DSE: variants seen among roughly 807,000 people sequenced by gnomAD.
The protein encoded by DSE is dermatan-sulfate epimerase.
A neutral mutation model predicts 84.4 loss-of-function variants in DSE; 36 were observed. The ratio of observed to expected loss-of-function variants is 0.43; its 90% CI spans 0.33 to 0.56. The LOEUF is 0.56. DSE is among the 20% of genes least tolerant of loss of function. DSE has a pLI of 0.06. For missense variants in DSE, 862 were observed against 1,169.6 expected, an observed-to-expected ratio of 0.74 and a Z score of 3.84; for synonymous variants, 410 against 430.1, an observed-to-expected ratio of 0.95 and a Z score of 0.58.
At chr6:116,340,734 T>A (rs6568935) in intron 2 of DSE, among the ~76,000 whole-genome samples, 7,017 of 151,878 alleles carry the variant, frequency 0.046, 276 homozygotes, top group African/African-American at 0.1. Context: ...TGAGAACATG[T>A]GGTGTTTGGT....
intron 2 of DSE, among the ~76,000 whole-genome samples, chr6:116,319,100 A>T (rs1776153484): frequency 6.6e-6 from 1 of 152,200 alleles, no homozygotes; most frequent in African/African-American, 2.4e-5. Flanking sequence ...TTTTCTAAGC[A>T]CTTTGACATA....
At chr6:116,429,595 T>C (rs1384331411) in intron 3 of DSE, among the ~76,000 whole-genome samples, 1 of 152,232 alleles carries the variant, frequency 6.6e-6, no homozygotes, top group Non-Finnish European at 1.5e-5. Flanking sequence ...CATAATTGGG[T>C]TGTTAAAAGG....
intron 2 of DSE, chr6:116,278,283 C>T: frequency 1.8e-6 from 1 of 545,074 alleles, no homozygotes. Flanking sequence ...TGAAGGATGA[C>T]CTCGTAGCAT....
At chr6:116,425,315 G>A (rs1168935432) in intron 2 of DSE, among the ~76,000 whole-genome samples, 1 of 152,146 alleles carries the variant, frequency 6.6e-6, no homozygotes, top group African/African-American at 2.4e-5. Flanking sequence ...GCCAAAAGAG[G>A]TTCATGGCAT....
intron 2 of DSE, among the ~76,000 whole-genome samples, chr6:116,319,777 G>T (rs969084351): frequency 4.0e-5 from 6 of 151,840 alleles, no homozygotes; most frequent in Admixed American, 6.6e-5. Flanking sequence ...TTCCCTTTTC[G>T]CTTTCTTCAC....
intron 4 of DSE, among the ~76,000 whole-genome samples, chr6:116,432,227 G>T (rs1783885405): frequency 6.6e-6 from 1 of 152,196 alleles, no homozygotes; most frequent in Non-Finnish European, 1.5e-5. Context: ...TTTAAGCTGA[G>T]ATCTAAAGGC....
chr6:116,279,404 C>A (rs1405953567), intron 2 of DSE: 1 of 1,613,282 alleles, frequency 6.2e-7, no homozygotes. Flanking sequence ...GCCGTCAGCT[C>A]AGACGCGGAT....
intron 2 of DSE, among the ~76,000 whole-genome samples, chr6:116,424,189 G>A (rs144795959): frequency 6.6e-6 from 1 of 152,130 alleles, no homozygotes; most frequent in East Asian, 1.9e-4. Flanking sequence ...TCCCTGCCTG[G>A]CCCACCAGTC....
At chr6:116,278,139 G>A (rs539893688) in intron 2 of DSE, 12 of 309,324 alleles carry the variant, frequency 3.9e-5, no homozygotes, top group Non-Finnish European at 6.4e-6. Context: ...AGCTGAGTAG[G>A]TGGAACAGGC....
intron 2 of DSE, among the ~76,000 whole-genome samples, chr6:116,313,819 A>G (rs1426529280): frequency 6.6e-6 from 1 of 152,214 alleles, no homozygotes; most frequent in Non-Finnish European, 1.5e-5. Context: ...AAGTTCATGA[A>G]CATGCCTATC....
intron 2 of DSE, among the ~76,000 whole-genome samples, chr6:116,272,152 T>G (rs1772906847): frequency 6.6e-6 from 1 of 152,262 alleles, no homozygotes; most frequent in African/African-American, 2.4e-5. Context: ...TCCTCTTTAT[T>G]GTTGAGTGGT....
chr6:116,292,164 G>A lies in DSE; in HGVS notation c.-54+33197G>A, dbSNP rs933715958. 5.3e-5 allele frequency among the ~76,000 whole-genome samples: 8 copies of A among 152,270 alleles called. 1 individual carries two copies. Among genetic ancestry groups the A allele is most frequent in the Admixed American group, 3.9e-4 (6 of 15,288 alleles). On this transcript the variant is annotated intron_variant, in intron 2 of 3. Coordinates refer to the DSE transcript ENST00000430252. Reference sequence around the variant, plus strand: ...GACGAGAACACCAGGAAGACAAGTAGAGGAAGAAGAAAGGAAGGCCAAAAA... The same window carrying A: ...GACGAGAACACCAGGAAGACAAGTAAAGGAAGAAGAAAGGAAGGCCAAAAA...
chr6:116,373,666 C>G (rs9488915), intron 1 of DSE, among the ~76,000 whole-genome samples: 6,365 of 152,274 alleles, frequency 0.042, 227 homozygotes, highest in African/African-American at 0.094. Flanking sequence ...CAGTGCTGCC[C>G]TGAGAGGACC....
At chr6:116,333,942 G>A (rs549081051) in intron 2 of DSE, among the ~76,000 whole-genome samples, 27 of 152,094 alleles carry the variant, frequency 1.8e-4, no homozygotes, top group East Asian at 1.4e-3. Context: ...ACTCCACTCC[G>A]GCCTGGGTGA....
At chr6:116,331,361 A>C (rs551401284) in intron 2 of DSE, among the ~76,000 whole-genome samples, 155 of 152,310 alleles carry the variant, frequency 1.0e-3, no homozygotes, top group African/African-American at 3.6e-3. Flanking sequence ...GAAAGCAAAC[A>C]CATCCTTCTT....
chr6:116,431,251 T>C (rs1783820048), intron 4 of DSE, 58 bp downstream of exon 4: 8 of 1,591,314 alleles, frequency 5.0e-6, no homozygotes, highest in South Asian at 2.3e-5. Context: ...TTTCTGATTA[T>C]GAAAATGAGC....
intron 2 of DSE, among the ~76,000 whole-genome samples, chr6:116,295,452 C>G (rs1439213509): frequency 2.0e-5 from 3 of 152,084 alleles, no homozygotes; most frequent in Non-Finnish European, 4.4e-5. Flanking sequence ...TCCTTCCAAA[C>G]ATTTTTTAAT....
intron 1 of DSE, among the ~76,000 whole-genome samples, chr6:116,373,795 G>A (rs191524982): frequency 3.0e-4 from 45 of 152,146 alleles, no homozygotes; most frequent in Admixed American, 7.2e-4. Flanking sequence ...TGCATTTTGC[G>A]ATTAAACAAT....
chr6:116,312,962 T>C (rs904959820), intron 2 of DSE, among the ~76,000 whole-genome samples: 2 of 152,112 alleles, frequency 1.3e-5, no homozygotes, highest in Non-Finnish European at 2.9e-5. Context: ...TATATGTATA[T>C]AGAAGTCTTC....
Sources: allele counts gnomAD v4.1 joint callset (sites outside exome capture counted in the v4.1 genomes callset), GRCh38; gene constraint gnomAD v4.1.1; transcripts MANE v1.5; gene names NCBI Gene and HGNC (gene_info 2026-07-23, HGNC 2026-07-21).